The following SNTB1 variants were observed in gnomAD, a reference collection of about 807,000 sequenced individuals.
SNTB1 encodes syntrophin beta 1.
A neutral mutation model predicts 48.9 loss-of-function variants in SNTB1; 36 were observed. The observed-to-expected ratio is 0.74, with a 90% CI of 0.56 to 0.97. The LOEUF (loss-of-function observed/expected upper bound fraction) is 0.97. Among genes scored for constraint, SNTB1 ranks in the 50% least tolerant of loss-of-function variants. The pLI is 0.00. For missense variants in SNTB1, 786 were observed against 703.4 expected (o/e 1.12, Z -1.33); for synonymous variants, 299 against 294.6 (o/e 1.01, Z -0.15).
At chr8:120,734,759 A>G (rs1454881561) in intron 1 of SNTB1, among the ~76,000 whole-genome samples, 8 of 152,214 alleles carry the variant, frequency 5.3e-5, no homozygotes, top group Admixed American at 4.6e-4. Flanking sequence ...GCAAAATTGC[A>G]GCATCTATGT....
At chr8:120,800,875 G>C (rs988582329) in intron 1 of SNTB1, among the ~76,000 whole-genome samples, 1 of 151,808 alleles carries the variant, frequency 6.6e-6, no homozygotes, top group Non-Finnish European at 1.5e-5. Flanking sequence ...ATAATGCCTA[G>C]AATTGATATA....
At chr8:120,648,812 T>C (rs1217665508) in intron 2 of SNTB1, among the ~76,000 whole-genome samples, 4 of 152,218 alleles carry the variant, frequency 2.6e-5, no homozygotes, top group Non-Finnish European at 5.9e-5. Context: ...ACCAATCAGA[T>C]GTAGATTTGG....
intron 1 of SNTB1, among the ~76,000 whole-genome samples, chr8:120,726,195 A>G (rs932939624): frequency 2.0e-5 from 3 of 152,206 alleles, no homozygotes; most frequent in South Asian, 2.1e-4. Context: ...TTCAGTTTTG[A>G]AAAATCTATT....
chr8:120,545,901 G>A (rs1815372821), intron 5 of SNTB1, among the ~76,000 whole-genome samples: 1 of 152,218 alleles, frequency 6.6e-6, no homozygotes, highest in Non-Finnish European at 1.5e-5. Flanking sequence ...CAACCCTGGG[G>A]TAGGTACTAG....
At chr8:120,743,238 C>G (rs1819071784) in intron 1 of SNTB1, among the ~76,000 whole-genome samples, 1 of 152,190 alleles carries the variant, frequency 6.6e-6, no homozygotes, top group South Asian at 2.1e-4. Context: ...GAAGTTTAAT[C>G]TTCAAAGGAC....
chr8:120,609,149 A>C (rs1262377497), intron 3 of SNTB1, among the ~76,000 whole-genome samples: 1 of 152,246 alleles, frequency 6.6e-6, no homozygotes, highest in Non-Finnish European at 1.5e-5. Flanking sequence ...GTCTTATTCC[A>C]AAATCCATAG....
chr8:120,575,294 C>G (rs1419259089), intron 3 of SNTB1, 69 bp from the exon 4 acceptor site: 13 of 1,588,172 alleles, frequency 8.2e-6, no homozygotes, highest in Non-Finnish European at 1.1e-5. Flanking sequence ...AGTTGGCATC[C>G]CCCTAATCAG....
intron 4 of SNTB1, among the ~76,000 whole-genome samples, chr8:120,574,247 T>G (rs1048963561): frequency 1.3e-5 from 2 of 152,182 alleles, no homozygotes; most frequent in Non-Finnish European, 2.9e-5. Context: ...GGGCACGAAA[T>G]TTTTGTCATG....
intron 2 of SNTB1, among the ~76,000 whole-genome samples, chr8:120,683,105 T>C (rs551522194): frequency 1.3e-5 from 2 of 152,134 alleles, no homozygotes; most frequent in East Asian, 3.9e-4. Context: ...ATGGTCTCAA[T>C]CTCCTGACCT....
chr8:120,725,849 T>C (rs1258482679), intron 1 of SNTB1, among the ~76,000 whole-genome samples: 1 of 152,038 alleles, frequency 6.6e-6, no homozygotes, highest in African/African-American at 2.4e-5. Flanking sequence ...TTCTTAAGAG[T>C]TGCTATTTGA....
At chr8:120,735,458 T>G (rs57785870) in intron 1 of SNTB1, among the ~76,000 whole-genome samples, 20,346 of 152,156 alleles carry the variant, frequency 0.13, 1,804 homozygotes, top group African/African-American at 0.24. Flanking sequence ...TATTTGGAGA[T>G]AGACAGCCTC....
intron 1 of SNTB1, among the ~76,000 whole-genome samples, chr8:120,749,581 G>C (rs1453723377): frequency 6.6e-6 from 1 of 151,946 alleles, no homozygotes. Flanking sequence ...CTGTGAAGAG[G>C]CCCTCTCTTG....
chr8:120,631,668 C>A (rs1816982877), intron 3 of SNTB1, among the ~76,000 whole-genome samples: 1 of 152,132 alleles, frequency 6.6e-6, no homozygotes, highest in Non-Finnish European at 1.5e-5. Flanking sequence ...AAGGCTCGAT[C>A]CTTTGAAATA....
intron 1 of SNTB1, among the ~76,000 whole-genome samples, chr8:120,728,241 G>A (rs1034238101): frequency 2.0e-5 from 3 of 152,048 alleles, no homozygotes; most frequent in African/African-American, 4.8e-5. Flanking sequence ...TCATCTGCCC[G>A]CCTCTGCTTT....
At chr8:120,561,025 G>A (rs1294314234) in intron 4 of SNTB1, among the ~76,000 whole-genome samples, 1 of 152,050 alleles carries the variant, frequency 6.6e-6, no homozygotes, top group African/African-American at 2.4e-5. Flanking sequence ...TATAGGTGGG[G>A]AAGGAAACAG....
chr8:120,781,141 A>C (rs1819825197), intron 1 of SNTB1, among the ~76,000 whole-genome samples: 1 of 152,216 alleles, frequency 6.6e-6, no homozygotes, highest in African/African-American at 2.4e-5. Flanking sequence ...CTGCTGAATC[A>C]GTGATTCTAG....
chr8:120,608,113 G>A (rs186439287), intron 3 of SNTB1, among the ~76,000 whole-genome samples: 1 of 152,334 alleles, frequency 6.6e-6, no homozygotes, highest in Non-Finnish European at 1.5e-5. Context: ...GATCCTTTGG[G>A]ATAAAGCTGC....
rs72682515 is a variant in SNTB1 at position 120,653,642 on chromosome 8, C to T, written c.789-20991G>A. On this transcript the variant is annotated intron_variant, in intron 2 of 6. Coordinates refer to ENST00000517992, the MANE Select transcript of SNTB1 (RefSeq NM_021021.4). ...GTATAGCAGAACCAGGACTGCACTA[C>T]TATTTAAAATATATGGGCGCTTAAA... Among the ~76,000 whole-genome samples the T allele has an allele frequency of 4.9e-3, 741 of 152,252 alleles. 3 individuals carry two copies. The highest frequency in any genetic ancestry group is 7.9e-3 in the Non-Finnish European group (539 of 68,030).
At chr8:120,765,212 A>G (rs868837663) in intron 1 of SNTB1, among the ~76,000 whole-genome samples, 1 of 152,206 alleles carries the variant, frequency 6.6e-6, no homozygotes, top group African/African-American at 2.4e-5. Context: ...GTGACAGATC[A>G]AGACTCTGTC....
Sources: allele counts gnomAD v4.1 joint callset (sites outside exome capture counted in the v4.1 genomes callset), GRCh38; gene constraint gnomAD v4.1.1; transcripts MANE v1.5; gene names NCBI Gene and HGNC (gene_info 2026-07-23, HGNC 2026-07-21).